The following DNASE1 variants were observed in gnomAD, a reference collection of about 807,000 sequenced individuals.
DNASE1 encodes the protein deoxyribonuclease-1.
Under a neutral mutation model 33.9 loss-of-function variants are expected in DNASE1, and 40 were observed. The ratio of observed to expected loss-of-function variants is 1.18; its 90% confidence interval spans 0.92 to 1.54. The LOEUF is 1.54. Among genes scored for constraint, DNASE1 ranks in the 40% most tolerant of loss-of-function variants. DNASE1 has a pLI of 0.00. For synonymous variants in DNASE1, 216 were observed against 160.0 expected, an observed-to-expected ratio of 1.35 and a Z score of -2.64; for missense variants, 518 against 372.6, an observed-to-expected ratio of 1.39 and a Z score of -3.21.
downstream of DNASE1, chr16:3,661,953 C>T (rs374707079): frequency 1.3e-6 from 2 of 1,562,064 alleles, no homozygotes; most frequent in Non-Finnish European, 1.7e-6. Context: ...CTGGGGAATC[C>T]CACAGGCTGG....
intron 1 of DNASE1, among the ~76,000 whole-genome samples, chr16:3,614,400 G>A (rs1018491598): frequency 6.6e-6 from 1 of 152,194 alleles, no homozygotes; most frequent in Non-Finnish European, 1.5e-5. Context: ...GTGCCACCAC[G>A]TTCAGAGCCA....
At chr16:3,623,031 T>C (rs1298106954) in intron 1 of DNASE1, among the ~76,000 whole-genome samples, 2 of 152,110 alleles carry the variant, frequency 1.3e-5, no homozygotes, top group African/African-American at 2.4e-5. Flanking sequence ...ATCTCTAATG[T>C]ACCTGCCCCC....
downstream of DNASE1, chr16:3,661,328 A>ATCTGTTGT (rs2043060760): frequency 7.3e-6 from 1 of 137,364 alleles, no homozygotes; most frequent in African/African-American, 3.4e-5. Flanking sequence ...GGGCATATAA[A>ATCTGTTGT]GAACAACAGG....
intron 1 of DNASE1, among the ~76,000 whole-genome samples, chr16:3,649,411 G>A (rs976759497): frequency 2.0e-5 from 3 of 152,216 alleles, no homozygotes; most frequent in African/African-American, 7.2e-5. Context: ...TAAGGTGGCT[G>A]ATAATTATTT....
At chr16:3,662,145 C>A, downstream of DNASE1, 1 of 1,607,700 alleles carries the variant, frequency 6.2e-7, no homozygotes, top group Non-Finnish European at 8.5e-7. Context: ...GTGAGCAAAG[C>A]CCGGGGTTGA....
intron 1 of DNASE1, among the ~76,000 whole-genome samples, chr16:3,619,830 C>A (rs544152451): frequency 7.3e-5 from 11 of 151,340 alleles, no homozygotes; most frequent in Middle Eastern, 7.0e-3. Flanking sequence ...TTTAAAAATT[C>A]TAATTTCCAT....
chr16:3,657,476 C>T (rs1596659243), intron 7 of DNASE1, 135 bp downstream of exon 7: 3 of 1,333,802 alleles, frequency 2.2e-6, no homozygotes, highest in Non-Finnish European at 3.1e-6. Context: ...CTACAGGGAA[C>T]AGAATAACAA....
intron 1 of DNASE1, among the ~76,000 whole-genome samples, chr16:3,634,862 G>A (rs1288815078): frequency 6.6e-6 from 1 of 152,032 alleles, no homozygotes; most frequent in East Asian, 1.9e-4. Context: ...TGTGGCCCAG[G>A]CTAGAGTGCA....
chr16:3,618,173 C>T (rs892941133), intron 1 of DNASE1, among the ~76,000 whole-genome samples: 1 of 148,470 alleles, frequency 6.7e-6, no homozygotes, highest in African/African-American at 2.5e-5. Flanking sequence ...AGATGATCAG[C>T]ATCATGAATC....
chr16:3,661,864 G>C, downstream of DNASE1: 1 of 1,295,632 alleles, frequency 7.7e-7, no homozygotes. Flanking sequence ...GCTCCTTATA[G>C]TTACCCACAT....
chr16:3,613,311 T>C (rs1365296507), intron 1 of DNASE1, among the ~76,000 whole-genome samples: 1 of 152,250 alleles, frequency 6.6e-6, no homozygotes, highest in Admixed American at 6.5e-5. Flanking sequence ...ACTGCATGCC[T>C]TTTCATGGCT....
In DNASE1 at chr16:3,655,526, G is replaced by T. The variant is rs982314101; in HGVS notation, c.147+6G>T. 1.2e-6 allele frequency: 2 copies of T among 1,614,038 alleles called. No individual in the cohort carries two copies. The highest frequency in any genetic ancestry group is 1.7e-6 in the Non-Finnish European group (2 of 1,180,028). On this transcript the variant is annotated splice_donor_region_variant and intron_variant, in intron 2 of 8. Transcript: ENST00000246949. ...TCGTCAGCTACATTGTGCAGGTGAG[G>T]CCAGGGCAGCCTCCCCCCAAAAGCA...
chr16:3,622,392 C>G (rs113494369), intron 1 of DNASE1, among the ~76,000 whole-genome samples: 1 of 152,016 alleles, frequency 6.6e-6, no homozygotes, highest in Non-Finnish European at 1.5e-5. Flanking sequence ...ATTGAGGAAA[C>G]GAGTATTTTC....
chr16:3,664,547 A>G, exon 10 of DNASE1: 1 of 1,407,046 alleles, frequency 7.1e-7, no homozygotes. Flanking sequence ...TCCGATGCCC[A>G]TGGCCTCCTG....
exon 10 of DNASE1, chr16:3,664,547 A>C (rs1246148371): frequency 5.7e-6 from 8 of 1,406,928 alleles, no homozygotes; most frequent in Non-Finnish European, 6.7e-6. Flanking sequence ...TCCGATGCCC[A>C]TGGCCTCCTG....
chr16:3,658,360 A>G, downstream of DNASE1: 3 of 721,752 alleles, frequency 4.2e-6, no homozygotes, highest in South Asian at 3.7e-5. Context: ...CTGCAACCTC[A>G]GGTGATCCCC....
rs2042715891 is a variant in DNASE1, at chr16:3,657,134, G to A, written c.549+23G>A. ...GAGGTGAGGCCCTCCCAGGGGCAGTGGGCACCAGCGGCCTCCGCATGTCCC... is the reference window on the plus strand; with the variant it reads ...GAGGTGAGGCCCTCCCAGGGGCAGTAGGCACCAGCGGCCTCCGCATGTCCC... On this transcript the variant is annotated intron_variant, in intron 6 of 8. Coordinates refer to ENST00000246949, the MANE Select transcript of DNASE1 (RefSeq NM_005223.4). The A allele has an allele frequency of 1.9e-6, 3 of 1,613,944 alleles. No homozygotes were observed. In the South Asian group the frequency reaches 3.3e-5, roughly 18 times the overall value.
chr16:3,636,445 T>C (rs900689087), intron 1 of DNASE1, among the ~76,000 whole-genome samples: 5 of 152,260 alleles, frequency 3.3e-5, no homozygotes, highest in Admixed American at 1.3e-4. Context: ...TGATGCTTGC[T>C]ATATCTCTTC....
chr16:3,644,478 G>A (rs890757693), intron 1 of DNASE1, among the ~76,000 whole-genome samples: 5 of 151,916 alleles, frequency 3.3e-5, no homozygotes, highest in Admixed American at 2.6e-4. Context: ...CAGGATAATC[G>A]CTTGAATCTG....
Sources: allele counts gnomAD v4.1 joint callset (sites outside exome capture counted in the v4.1 genomes callset), GRCh38; gene constraint gnomAD v4.1.1; transcripts MANE v1.5; gene names NCBI Gene and HGNC (gene_info 2026-07-23, HGNC 2026-07-21).